RBFOX1: variants seen among roughly 807,000 people sequenced by gnomAD.
RBFOX1 encodes RNA binding fox-1 homolog 1.
Under a neutral mutation model 57.7 loss-of-function variants are expected in RBFOX1, and 8 were observed. That is an observed-to-expected ratio of 0.14 (90% CI 0.08 to 0.25). The LOEUF is 0.25. RBFOX1 is among the 10% of genes least tolerant of loss of function. The pLI, the probability that RBFOX1 is intolerant of heterozygous loss-of-function variation, is 1.00. For missense variants in RBFOX1, 611 were observed against 548.5 expected, an observed-to-expected ratio of 1.11 and a Z score of -1.14; for synonymous variants, 326 against 222.4, an observed-to-expected ratio of 1.47 and a Z score of -4.15.
chr16:7,338,348 C>T (rs773722031), intron 4 of RBFOX1, among the ~76,000 whole-genome samples: 2 of 152,120 alleles, frequency 1.3e-5, no homozygotes, highest in South Asian at 2.1e-4. Context: ...ATGTATGCCT[C>T]TCTGACGTGG....
At chr16:7,701,933 G>A (rs1454782750) in intron 14 of RBFOX1, among the ~76,000 whole-genome samples, 1 of 152,168 alleles carries the variant, frequency 6.6e-6, no homozygotes, top group African/African-American at 2.4e-5. Flanking sequence ...CAGCAAACCA[G>A]GGTGCATGGC....
intron 1 of RBFOX1, among the ~76,000 whole-genome samples, chr16:5,293,699 T>C (rs1039305257): frequency 1.6e-4 from 24 of 149,476 alleles, no homozygotes; most frequent in African/African-American, 5.9e-4. Context: ...AGGTCCAGAA[T>C]AGGCAAATCT....
At chr16:7,276,338 A>C (rs1206984225) in intron 4 of RBFOX1, among the ~76,000 whole-genome samples, 5 of 152,136 alleles carry the variant, frequency 3.3e-5, no homozygotes, top group Non-Finnish European at 7.3e-5. Flanking sequence ...GTCTGTTTGG[A>C]GGCAGCTAGG....
At chr16:6,770,031 G>T (rs1468507650) in intron 3 of RBFOX1, among the ~76,000 whole-genome samples, 1 of 152,142 alleles carries the variant, frequency 6.6e-6, no homozygotes, top group East Asian at 1.9e-4. Context: ...CAGGATGGTT[G>T]ACAGGACTTT....
intron 3 of RBFOX1, among the ~76,000 whole-genome samples, chr16:7,025,330 G>A (rs182228066): frequency 2.8e-3 from 432 of 152,236 alleles, no homozygotes; most frequent in Admixed American, 5.4e-3. Context: ...TCCCTCTCAG[G>A]GCCATCTGGG....
At chr16:6,691,704 C>G (rs1344871381) in intron 3 of RBFOX1, among the ~76,000 whole-genome samples, 3 of 152,150 alleles carry the variant, frequency 2.0e-5, no homozygotes, top group Admixed American at 1.3e-4. Flanking sequence ...GTCCTAATCC[C>G]CAGGAACCAT....
At chr16:7,002,127 C>T (rs976924674) in intron 3 of RBFOX1, among the ~76,000 whole-genome samples, 3 of 151,548 alleles carry the variant, frequency 2.0e-5, no homozygotes, top group Non-Finnish European at 4.4e-5. Context: ...GGTTGTTGAT[C>T]TTGTTAGGTG....
chr16:7,553,598 A>G (rs907573773), intron 5 of RBFOX1, among the ~76,000 whole-genome samples: 2 of 152,326 alleles, frequency 1.3e-5, no homozygotes, highest in African/African-American at 2.4e-5. Context: ...TTCAAACTCA[A>G]ATGAAGATCT....
chr16:7,686,421 C>T (rs1162645333), intron 14 of RBFOX1, among the ~76,000 whole-genome samples: 1 of 152,046 alleles, frequency 6.6e-6, no homozygotes, highest in East Asian at 1.9e-4. Flanking sequence ...TAGGCCACCA[C>T]ACATGCATTA....
chr16:7,494,580 T>G (rs542969874), intron 4 of RBFOX1, among the ~76,000 whole-genome samples: 66 of 152,304 alleles, frequency 4.3e-4, no homozygotes, highest in Non-Finnish European at 8.5e-4. Flanking sequence ...GAAATTTACT[T>G]TCATGACCTA....
At chr16:7,052,778 G>A (rs1158668157) in intron 4 of RBFOX1, among the ~76,000 whole-genome samples, 1 of 152,100 alleles carries the variant, frequency 6.6e-6, no homozygotes, top group Non-Finnish European at 1.5e-5. Flanking sequence ...TATGGGGATG[G>A]CATTTTAAGA....
chr16:6,068,378 C>T (rs1302491362), intron 1 of RBFOX1, among the ~76,000 whole-genome samples: 3 of 152,150 alleles, frequency 2.0e-5, no homozygotes, highest in African/African-American at 7.2e-5. Flanking sequence ...GCTGAGAGAG[C>T]CAGTGCCTTT....
intron 4 of RBFOX1, among the ~76,000 whole-genome samples, chr16:7,094,605 G>A (rs545407680): frequency 1.3e-5 from 2 of 149,802 alleles, no homozygotes; most frequent in Non-Finnish European, 2.9e-5. Flanking sequence ...CCTTGACTTG[G>A]GGACTCCTGC....
At chr16:6,667,064 C>T (rs8050514) in intron 3 of RBFOX1, among the ~76,000 whole-genome samples, 28,627 of 152,004 alleles carry the variant, frequency 0.19, 2,836 homozygotes, top group Non-Finnish European at 0.2. Flanking sequence ...AGATGTTAGT[C>T]GTACTTTCCT....
chr16:7,130,664 C>G lies in RBFOX1; in HGVS notation c.27+78566C>G, dbSNP rs193201122. On this transcript the variant is annotated intron_variant, in intron 4 of 15. Transcript: ENST00000550418. ...CAATGACATCTCCAGTGCCTTTTTA[C>G]TTGATAAATATAAGACTATAATTTT... 4.0e-4 allele frequency among the ~76,000 whole-genome samples: 61 copies of G among 152,280 alleles called. No individual in the cohort carries two copies. The East Asian group carries it at 4.0e-3, about 10-fold the overall frequency.
intron 4 of RBFOX1, among the ~76,000 whole-genome samples, chr16:7,108,745 T>C (rs1472187936): frequency 6.6e-6 from 1 of 152,198 alleles, no homozygotes; most frequent in African/African-American, 2.4e-5. Context: ...GAAATTTATC[T>C]TGGAGATACA....
chr16:5,454,178 G>A (rs1169574305), intron 1 of RBFOX1, among the ~76,000 whole-genome samples: 1 of 152,186 alleles, frequency 6.6e-6, no homozygotes, highest in African/African-American at 2.4e-5. Context: ...CTCACTGAGA[G>A]AACAGGCACT....
At chr16:6,901,636 G>A (rs1359710910) in intron 3 of RBFOX1, among the ~76,000 whole-genome samples, 2 of 152,140 alleles carry the variant, frequency 1.3e-5, no homozygotes, top group African/African-American at 2.4e-5. Flanking sequence ...ATCTGTTTCT[G>A]GTAACCTTCA....
intron 2 of RBFOX1, among the ~76,000 whole-genome samples, chr16:6,422,416 G>A (rs894744900): frequency 1.3e-5 from 2 of 151,844 alleles, no homozygotes; most frequent in African/African-American, 4.8e-5. Context: ...CCCCTCCAGT[G>A]GCCCCCTTGT....
Sources: gnomAD v4.1 joint callset for allele counts (sites outside exome capture counted in the v4.1 genomes callset) on GRCh38, gnomAD v4.1.1 for gene constraint, MANE v1.5 for transcripts, NCBI Gene and HGNC (gene_info 2026-07-23, HGNC 2026-07-21) for gene names.